Variants in FARS2 observed in about 807,000 individuals in gnomAD.
FARS2 encodes the protein phenylalanine--tRNA ligase, mitochondrial.
A neutral mutation model predicts 46.4 loss-of-function variants in FARS2; 40 were observed. The observed-to-expected ratio is 0.86, with a 90% CI of 0.67 to 1.12. The LOEUF (loss-of-function observed/expected upper bound fraction) is 1.12, where lower values mean the gene tolerates loss of function less well. Among genes scored for constraint, FARS2 ranks in the 50% most tolerant of loss-of-function variants. The probability of loss-of-function intolerance (pLI) is 0.00; values close to 1 mark genes in which losing one functional copy is unlikely to be tolerated. For missense variants in FARS2, 513 were observed against 567.9 expected (o/e 0.90, Z 0.98); for synonymous variants, 234 against 214.9 (o/e 1.09, Z -0.78).
At chr6:5,770,363 C>A (rs369592415) in intron 6 of FARS2, among the ~76,000 whole-genome samples, 1 of 152,084 alleles carries the variant, frequency 6.6e-6, no homozygotes, top group East Asian at 1.9e-4. Flanking sequence ...AGTTTCCTCC[C>A]CCAAGGCCAA....
At chr6:5,357,183 A>G (rs1055111769) in intron 1 of FARS2, among the ~76,000 whole-genome samples, 1 of 152,216 alleles carries the variant, frequency 6.6e-6, no homozygotes, top group Non-Finnish European at 1.5e-5. Flanking sequence ...TAGTTTTTCA[A>G]CTACTTTGTC....
At chr6:5,575,419 G>C (rs1048509276) in intron 5 of FARS2, among the ~76,000 whole-genome samples, 1 of 152,162 alleles carries the variant, frequency 6.6e-6, no homozygotes, top group African/African-American at 2.4e-5. Flanking sequence ...CTGTGTATCT[G>C]TACCTCCCTC....
At chr6:5,685,969 C>T (rs922380055) in intron 6 of FARS2, among the ~76,000 whole-genome samples, 2 of 152,174 alleles carry the variant, frequency 1.3e-5, no homozygotes, top group Admixed American at 6.5e-5. Context: ...GGAGGATATT[C>T]AGATCACTTC....
intron 5 of FARS2, among the ~76,000 whole-genome samples, chr6:5,579,112 G>T (rs1773177604): frequency 6.6e-6 from 1 of 152,164 alleles, no homozygotes; most frequent in African/African-American, 2.4e-5. Flanking sequence ...TGCTTTACAT[G>T]TATTTAAGTG....
At chr6:5,745,342 G>A (rs1761576197) in intron 6 of FARS2, among the ~76,000 whole-genome samples, 1 of 152,228 alleles carries the variant, frequency 6.6e-6, no homozygotes, top group Non-Finnish European at 1.5e-5. Context: ...ATCTTAAATA[G>A]ACACACTTCA....
At chr6:5,319,269 G>T (rs1166214139) in intron 1 of FARS2, among the ~76,000 whole-genome samples, 1 of 152,162 alleles carries the variant, frequency 6.6e-6, no homozygotes, top group African/African-American at 2.4e-5. Context: ...TTCCTGATGG[G>T]ATCTCAGGAG....
intron 6 of FARS2, among the ~76,000 whole-genome samples, chr6:5,652,305 G>A (rs1777406628): frequency 6.6e-6 from 1 of 152,186 alleles, no homozygotes; most frequent in South Asian, 2.1e-4. Context: ...ACTGTGGCAG[G>A]ATAGGGGATG....
At chr6:5,353,691 A>AT (rs1358607698) in intron 1 of FARS2, among the ~76,000 whole-genome samples, 19 of 57,548 alleles carry the variant, frequency 3.3e-4, no homozygotes, top group African/African-American at 9.7e-4. Context: ...GTCTCTTCAG[A>AT]TTTTTTTACC....
intron 3 of FARS2, among the ~76,000 whole-genome samples, chr6:5,411,479 AC>A (rs1761939672): frequency 6.6e-6 from 1 of 151,820 alleles, no homozygotes; most frequent in African/African-American, 2.4e-5. Context: ...CTTAAGGTTC[AC>A]TCTTTCTATA....
In FARS2 at chr6:5,728,019, A is replaced by C. The variant is rs554635162; in HGVS notation, c.1218-43272A>C. Among the ~76,000 whole-genome samples the C allele has an allele frequency of 5.9e-5, 9 of 152,372 alleles. No homozygotes were observed. The South Asian group carries it at 1.2e-3, about 21-fold the overall frequency. Reference sequence around the variant, plus strand: ...ACTTAATGGATGCTAAATAATTGAAAGAATAAAGTGAGAGATGAGTGGATG... The same window carrying C: ...ACTTAATGGATGCTAAATAATTGAACGAATAAAGTGAGAGATGAGTGGATG... On this transcript the variant is annotated intron_variant, in intron 6 of 6. Coordinates refer to ENST00000274680, the MANE Select transcript of FARS2 (RefSeq NM_006567.5).
chr6:5,575,061 C>T (rs912950580), intron 5 of FARS2, among the ~76,000 whole-genome samples: 7 of 152,150 alleles, frequency 4.6e-5, no homozygotes, highest in East Asian at 1.9e-4. Context: ...CTTGACCAAT[C>T]GCACTATAAC....
chr6:5,729,602 A>G (rs1398709790), intron 6 of FARS2, among the ~76,000 whole-genome samples: 1 of 151,172 alleles, frequency 6.6e-6, no homozygotes, highest in Non-Finnish European at 1.5e-5. Flanking sequence ...GTCTTTTGCA[A>G]TGCTTTGTCC....
intron 4 of FARS2, among the ~76,000 whole-genome samples, chr6:5,491,145 C>T (rs114307537): frequency 0.016 from 2,451 of 152,250 alleles, 34 homozygotes; most frequent in Non-Finnish European, 0.022. Flanking sequence ...ATGGCACTTA[C>T]TGTGTTTTTG....
intron 5 of FARS2, among the ~76,000 whole-genome samples, chr6:5,585,006 C>T (rs1773537552): frequency 6.6e-6 from 1 of 152,094 alleles, no homozygotes; most frequent in Non-Finnish European, 1.5e-5. Flanking sequence ...ATTGTAATAT[C>T]CTTCTTCCCA....
intron 4 of FARS2, among the ~76,000 whole-genome samples, chr6:5,543,041 AT>A (rs1326385996): frequency 6.6e-6 from 1 of 152,140 alleles, no homozygotes; most frequent in Admixed American, 6.5e-5. Flanking sequence ...CTTGAAAAAA[AT>A]GTCAATTATG....
chr6:5,500,284 T>G (rs1767712483), intron 4 of FARS2, among the ~76,000 whole-genome samples: 1 of 152,230 alleles, frequency 6.6e-6, no homozygotes, highest in African/African-American at 2.4e-5. Context: ...GTACTGCGTT[T>G]TCTTCAGCTT....
chr6:5,658,903 T>C (rs1777721805), intron 6 of FARS2, among the ~76,000 whole-genome samples: 2 of 152,274 alleles, frequency 1.3e-5, no homozygotes, highest in African/African-American at 4.8e-5. Flanking sequence ...GTTCTGCTTA[T>C]ATTTTATTTG....
chr6:5,625,019 T>A (rs1228226989), intron 6 of FARS2, among the ~76,000 whole-genome samples: 1 of 152,192 alleles, frequency 6.6e-6, no homozygotes, highest in Non-Finnish European at 1.5e-5. Flanking sequence ...CCTGAGTTCT[T>A]CCCATCCCAC....
intron 6 of FARS2, among the ~76,000 whole-genome samples, chr6:5,638,962 G>T (rs545206734): frequency 5.3e-5 from 8 of 152,334 alleles, no homozygotes; most frequent in Non-Finnish European, 8.8e-5. Flanking sequence ...GCTCATAGCA[G>T]CACTCATAAC....
Sources: gnomAD v4.1 joint callset for allele counts (sites outside exome capture counted in the v4.1 genomes callset) on GRCh38, gnomAD v4.1.1 for gene constraint, MANE v1.5 for transcripts, NCBI Gene and HGNC (gene_info 2026-07-23, HGNC 2026-07-21) for gene names.